PPP2R5C: variants seen among roughly 807,000 people sequenced by gnomAD.
PPP2R5C encodes protein phosphatase 2 regulatory subunit B'gamma, also known as serine/threonine-protein phosphatase 2A 56 kDa regulatory subunit gamma isoform.
A neutral mutation model predicts 68.9 loss-of-function variants in PPP2R5C; 7 were observed. That is an observed-to-expected ratio of 0.10 (90% CI 0.06 to 0.19). The LOEUF (loss-of-function observed/expected upper bound fraction) is 0.19, where lower values mean the gene tolerates loss of function less well. Ranked by LOEUF, PPP2R5C falls within the 10% of genes least tolerant of loss-of-function variation. The probability of loss-of-function intolerance (pLI) is 1.00; values close to 1 mark genes in which losing one functional copy is unlikely to be tolerated. For synonymous variants in PPP2R5C, 210 were observed against 222.2 expected (o/e 0.95, Z 0.49); for missense variants, 348 against 641.3 (o/e 0.54, Z 4.94).
upstream of PPP2R5C, chr14:101,761,794 GGCGGCGGCC>G: frequency 1.0e-6 from 1 of 971,450 alleles, no homozygotes; most frequent in Non-Finnish European, 1.2e-6. Flanking sequence ...CGGCGGCGGC[GGCGGCGGCC>G]GCGGGGGCGC....
At chr14:101,782,284 T>G in intron 2 of PPP2R5C, among the ~76,000 whole-genome samples, 1 of 572 alleles carries the variant, frequency 1.7e-3, no homozygotes, top group East Asian at 0.038. Context: ...TTCCCCTCCC[T>G]CTCTCCCCCT....
chr14:101,863,863 A>T (rs1164965865), intron 2 of PPP2R5C, among the ~76,000 whole-genome samples: 1 of 152,058 alleles, frequency 6.6e-6, no homozygotes, highest in African/African-American at 2.4e-5. Flanking sequence ...GCACCACTGC[A>T]CTCCAGCCTG....
At chr14:101,820,523 T>C (rs1198016710) in intron 1 of PPP2R5C, 2 of 152,242 alleles carry the variant, frequency 1.3e-5, no homozygotes, top group Non-Finnish European at 2.9e-5. Context: ...AGATTCCTCA[T>C]TGCAACTAAT....
chr14:101,858,369 T>C (rs2042553834), intron 2 of PPP2R5C, among the ~76,000 whole-genome samples: 1 of 152,128 alleles, frequency 6.6e-6, no homozygotes, highest in South Asian at 2.1e-4. Context: ...TGTACATATT[T>C]ATGGAGTATA....
chr14:101,764,257 C>G (rs2036736602), intron 2 of PPP2R5C, among the ~76,000 whole-genome samples: 1 of 152,228 alleles, frequency 6.6e-6, no homozygotes, highest in Admixed American at 6.5e-5. Flanking sequence ...GGCCAAGGGT[C>G]CAGGAGCTGC....
chr14:101,861,046 T>C (rs1233134098), intron 2 of PPP2R5C, among the ~76,000 whole-genome samples: 1 of 152,208 alleles, frequency 6.6e-6, no homozygotes, highest in Non-Finnish European at 1.5e-5. Flanking sequence ...AATTAAATTA[T>C]CTAGTTAATC....
intron 13 of PPP2R5C, among the ~76,000 whole-genome samples, chr14:101,919,164 C>T (rs1484500646): frequency 1.3e-5 from 2 of 152,354 alleles, no homozygotes; most frequent in East Asian, 3.9e-4. Context: ...GGAAAGGGCT[C>T]ACGGCACCAA....
intron 2 of PPP2R5C, among the ~76,000 whole-genome samples, chr14:101,871,063 A>G (rs2043377054): frequency 6.6e-6 from 1 of 151,668 alleles, no homozygotes. Flanking sequence ...TCTGAAATCC[A>G]CTCCGTCTCA....
At chr14:101,857,196 A>T (rs1364198162) in intron 2 of PPP2R5C, among the ~76,000 whole-genome samples, 3 of 152,180 alleles carry the variant, frequency 2.0e-5, no homozygotes, top group Non-Finnish European at 1.5e-5. Flanking sequence ...TCTTCTTTAA[A>T]TTTTTTTAAA....
chr14:101,761,056 G>GGGAC (rs2036494166), upstream of PPP2R5C, among the ~76,000 whole-genome samples: 1 of 136,284 alleles, frequency 7.3e-6, no homozygotes, highest in African/African-American at 2.8e-5. Flanking sequence ...CGGAGGGGAG[G>GGGAC]GGAGTGGAGG....
At chr14:101,826,218 A>G (rs970697128) in intron 1 of PPP2R5C, among the ~76,000 whole-genome samples, 2 of 152,200 alleles carry the variant, frequency 1.3e-5, no homozygotes, top group Non-Finnish European at 2.9e-5. Flanking sequence ...CTATGAAACC[A>G]TTGTTGAATC....
At chr14:101,905,054 T>A (rs1021017968) in intron 9 of PPP2R5C, among the ~76,000 whole-genome samples, 2 of 152,224 alleles carry the variant, frequency 1.3e-5, no homozygotes, top group Non-Finnish European at 2.9e-5. Context: ...TTTGAAAGTT[T>A]TAGTAATAAA....
intron 8 of PPP2R5C, among the ~76,000 whole-genome samples, chr14:101,897,496 C>G (rs1312559794): frequency 1.3e-5 from 2 of 151,542 alleles, no homozygotes; most frequent in Non-Finnish European, 2.9e-5. Flanking sequence ...CAGGCCCGTT[C>G]CAAAGCTGAG....
chr14:101,844,472 G>A (rs924626266), intron 1 of PPP2R5C, among the ~76,000 whole-genome samples: 7 of 152,276 alleles, frequency 4.6e-5, no homozygotes, highest in African/African-American at 1.2e-4. Context: ...CGCAGGGCCC[G>A]GTAGGTCCTG....
rs957720916 is a variant in PPP2R5C, at chr14:101,882,708, G to C, written c.405+437G>C. The C allele has an allele frequency of 6.1e-6, 1 of 164,716 alleles. No individual in the cohort carries two copies. Among genetic ancestry groups the C allele is most frequent in the Non-Finnish European group, 1.3e-5 (1 of 76,560 alleles). The allele number at this position is 164,716 out of a possible 1,614,324, so 10.2% of individuals were successfully genotyped here. A position where few individuals can be genotyped will look rare whatever the true frequency, so the allele number is the denominator to read the frequency against. On this transcript the variant is annotated intron_variant, in intron 3 of 13. Coordinates refer to ENST00000334743, the Ensembl canonical transcript of PPP2R5C. The surrounding 1 kb of genome is among the most constrained non-coding windows in gnomAD (Gnocchi z 4.9). ...GCCAGGGTCGGCATGAGCAGAGCGG[G>C]GGCCAGGTGTGCGGGTGGGAGGGCC... is the stretch of plus-strand genomic sequence containing the variant.
chr14:101,906,458 T>C lies in PPP2R5C; in HGVS notation c.1080T>C (p.Ser360=). The C allele has an allele frequency of 6.2e-7, 1 of 1,613,552 alleles. No individual in the cohort carries two copies. The highest frequency in any genetic ancestry group is 2.2e-5 in the East Asian group (1 of 44,874). ...ATGAATACATCATGAGTTTAATCAGTGACAACGCAGCGAAGATTCTGCCCA... is the reference window on the plus strand; with the variant it reads ...ATGAATACATCATGAGTTTAATCAGCGACAACGCAGCGAAGATTCTGCCCA... The change falls in exon 10 of 14, where the codon AGT becomes AGC. Residue 360 remains serine (S), a synonymous_variant. Coordinates refer to ENST00000334743, the Ensembl canonical transcript of PPP2R5C. The surrounding 1 kb of genome is among the most constrained non-coding windows in gnomAD (Gnocchi z 4.0).
At chr14:101,903,633 A>G (rs931156853) in intron 9 of PPP2R5C, among the ~76,000 whole-genome samples, 1 of 151,088 alleles carries the variant, frequency 6.6e-6, no homozygotes, top group African/African-American at 2.4e-5. Flanking sequence ...ACATTCCAGA[A>G]TCTTTTCCAG....
chr14:101,895,677 T>C (rs1595497073), intron 8 of PPP2R5C, among the ~76,000 whole-genome samples: 1 of 152,224 alleles, frequency 6.6e-6, no homozygotes, highest in East Asian at 1.9e-4. Flanking sequence ...TGCTGTTCTA[T>C]CATATGGATA....
At position 101,906,835 on chromosome 14, in the gene PPP2R5C, A is replaced by C. The variant is rs1396069219; in HGVS notation, c.1151+306A>C. ...GAAGCTGAAGGTCTCTGCAGAGCCC[A>C]GTGGGGCTCAGCCCCGGCGGGGGCA... On this transcript the variant is annotated intron_variant, in intron 10 of 13. Transcript: ENST00000334743. The surrounding 1 kb of genome is among the most constrained non-coding windows in gnomAD (Gnocchi z 4.0). Among the ~76,000 whole-genome samples, 2 of 152,040 alleles carry C rather than the reference A, an allele frequency of 1.3e-5. No homozygotes were observed. The highest frequency in any genetic ancestry group is 2.9e-5 in the Non-Finnish European group (2 of 68,000).
Sources: gnomAD v4.1 joint callset for allele counts (sites outside exome capture counted in the v4.1 genomes callset) on GRCh38, gnomAD v4.1.1 for gene constraint, Gnocchi (gnomAD v3.1) non-coding constraint, MANE v1.5 for transcripts, NCBI Gene and HGNC (gene_info 2026-07-23, HGNC 2026-07-21) for gene names.